The following ZKSCAN2 variants were observed in gnomAD, a reference collection of about 807,000 sequenced individuals.
ZKSCAN2 encodes the protein zinc finger with KRAB and SCAN domains 2, also known as zinc finger protein with KRAB and SCAN domains 2.
In ZKSCAN2, 38 loss-of-function variants were observed where a neutral mutation model predicts 90.5. That is an observed-to-expected ratio of 0.42 (90% CI 0.32 to 0.55). ZKSCAN2 has a LOEUF of 0.55. Ranked by LOEUF, ZKSCAN2 falls within the 20% of genes least tolerant of loss-of-function variation. ZKSCAN2 has a pLI of 0.11. For missense variants in ZKSCAN2, 1,167 were observed against 1,202.6 expected (o/e 0.97, Z 0.44); for synonymous variants, 429 against 421.6 (o/e 1.02, Z -0.22).
chr16:25,241,202 C>G (rs916774768), intron 6 of ZKSCAN2, among the ~76,000 whole-genome samples: 2 of 152,200 alleles, frequency 1.3e-5, no homozygotes, highest in Non-Finnish European at 2.9e-5. Flanking sequence ...TTCAAATGTT[C>G]TTCTCACTTT....
intron 1 of ZKSCAN2, 114 bp downstream of exon 1, chr16:25,256,615 T>G: frequency 8.3e-7 from 1 of 1,204,956 alleles, no homozygotes; most frequent in Non-Finnish European, 1.2e-6. Context: ...GGGTCTTTTA[T>G]TAGTACCATT....
rs1963078149 is a variant in ZKSCAN2 at position 25,255,088 on chromosome 16, T to C, written c.586+118A>G. On this transcript the variant is annotated intron_variant, in intron 2 of 6. Transcript: ENST00000328086. The stretch of plus-strand genomic sequence containing the variant: ...CCTAATTCTTGAAGTGAATGAAACC[T>C]TTCTCCTATTCTGAATATGTATCAA... The C allele has an allele frequency of 4.8e-6, 5 of 1,048,420 alleles. No individual in the cohort carries two copies. In the South Asian group the frequency reaches 7.8e-5, roughly 16 times the overall value. 64.9% of individuals were successfully genotyped at this position (1,048,420 alleles called of 1,614,324 possible).
At position 25,247,121 on chromosome 16, in the gene ZKSCAN2, G is replaced by C; in HGVS notation, c.1075C>G (p.Arg359Gly). 1 of 1,614,176 alleles carries C rather than the reference G, an allele frequency of 6.2e-7. No individual in the cohort carries two copies. Among genetic ancestry groups the C allele is most frequent in the Non-Finnish European group, 8.5e-7 (1 of 1,180,040 alleles). ...KTFLAILKES[R>G]FYETLQACPR... ...CAGGCCTGAAGTGTTTCATAAAAGC[G>C]AGACTCTTTGAGAATTGCCAGGAAA... Residue 359 changes from arginine to glycine, a missense_variant, in exon 5 of 7, where the codon CGC becomes GGC. Physicochemically the swap from Arg to Gly is moderately radical, Grantham distance 125. Transcript: ENST00000328086.
At chr16:25,255,942 G>A (rs1033733847) in intron 1 of ZKSCAN2, among the ~76,000 whole-genome samples, 1 of 152,132 alleles carries the variant, frequency 6.6e-6, no homozygotes, top group East Asian at 1.9e-4. Context: ...GAGCCTCCTT[G>A]TTGCTAGAAT....
At position 25,240,720 on chromosome 16, in the gene ZKSCAN2, C is replaced by A; in HGVS notation, c.2000G>T (p.Ser667Ile). Residue 667 changes from serine to isoleucine, a missense_variant, in exon 7 of 7, where the codon AGC becomes ATC. Ser to Ile is a moderately radical substitution (Grantham distance 142). Transcript: ENST00000328086. ...TATCTGTGTTGGATCCTCCTTGATG[C>A]TACTTCCGATTTCAAAATCTGAAAA... Reference protein sequence around the residue: ...QSPNDFEIGSSIKEDPTQIVY... With the variant: ...QSPNDFEIGSIIKEDPTQIVY... 1 of 1,601,966 alleles carries A rather than the reference C, an allele frequency of 6.2e-7. No individual in the cohort carries two copies. Among genetic ancestry groups the A allele is most frequent in the Admixed American group, 1.7e-5 (1 of 58,800 alleles).
Position 25,240,204 on chromosome 16 carries a change from C to T in ZKSCAN2, c.2516G>A (p.Cys839Tyr). 1 of 1,614,142 alleles carries T rather than the reference C, an allele frequency of 6.2e-7. No homozygotes were observed. Among genetic ancestry groups the T allele is most frequent in the South Asian group, 1.1e-5 (1 of 91,076 alleles). Reference sequence around the variant, plus strand: ...AATAAGACTAGAGCTCTGACTAAAGCATTTTCCACACTCTCCGCATCTGTA... The same window carrying T: ...AATAAGACTAGAGCTCTGACTAAAGTATTTTCCACACTCTCCGCATCTGTA... ...KPYRCGECGKCFSQSSSLIIH... is the reference protein window; with the variant it reads ...KPYRCGECGKYFSQSSSLIIH... Residue 839 changes from cysteine to tyrosine, a missense_variant, in exon 7 of 7, where the codon TGC becomes TAC. Physicochemically the swap from Cys to Tyr is radical, Grantham distance 194. Coordinates refer to ENST00000328086, the MANE Select transcript of ZKSCAN2 (RefSeq NM_001012981.5).
intron 2 of ZKSCAN2, among the ~76,000 whole-genome samples, chr16:25,254,545 C>T (rs149006981): frequency 8.2e-4 from 125 of 152,334 alleles, no homozygotes; most frequent in African/African-American, 2.7e-3. Flanking sequence ...AGCACATACA[C>T]ATGGCAGGAC....
chr16:25,247,415 T>C, intron 4 of ZKSCAN2, 25 bp from the exon 5 acceptor site: 2 of 1,575,440 alleles, frequency 1.3e-6, no homozygotes, highest in South Asian at 1.1e-5. Context: ...ACATATTTCA[T>C]GGTAGACATA....
At position 25,236,697 on chromosome 16, in the gene ZKSCAN2, C is replaced by A. The variant is rs1962772011; in HGVS notation, c.*3119G>T. 1.3e-5 allele frequency: 2 copies of A among 152,126 alleles called. No individual in the cohort carries two copies. Among genetic ancestry groups the A allele is most frequent in the African/African-American group, 4.8e-5 (2 of 41,438 alleles). 9.4% of individuals were successfully genotyped at this position (152,126 alleles called of 1,614,324 possible). On this transcript the variant is annotated 3_prime_UTR_variant, in exon 7 of 7. Coordinates refer to ENST00000328086, the MANE Select transcript of ZKSCAN2 (RefSeq NM_001012981.5). Reference sequence around the variant, plus strand: ...CTGAGCCATTTACGTGTGAGGTTTCCCTTTTTAAAAAACTGTTTCTTTCCA... The same window carrying A: ...CTGAGCCATTTACGTGTGAGGTTTCACTTTTTAAAAAACTGTTTCTTTCCA...
rs1422659692 is a variant in ZKSCAN2, at chr16:25,240,053, A to G, written c.2667T>C (p.Cys889=). 1.9e-6 allele frequency: 3 copies of G among 1,613,978 alleles called. No homozygotes were observed. The Admixed American group carries it at 5.0e-5, about 27-fold the overall frequency. ...RVHTGENPYK[C]VDCEKSFNNC... ...TATTGAAACTTTTTTCACAGTCCAC[A>G]CATTTGTAGGGATTCTCCCCAGTGT... Residue 889 remains cysteine (C), a synonymous_variant, in exon 7 of 7, where the codon TGT becomes TGC. Coordinates refer to ENST00000328086, the MANE Select transcript of ZKSCAN2 (RefSeq NM_001012981.5).
chr16:25,255,042 T>G (rs1963077508), intron 2 of ZKSCAN2, among the ~76,000 whole-genome samples, 164 bp downstream of exon 2: 7 of 152,082 alleles, frequency 4.6e-5, no homozygotes, highest in Admixed American at 2.0e-4. Context: ...ATGATACCTT[T>G]TCACTTATAT....
rs1963040542 is a variant in ZKSCAN2, at chr16:25,252,797, C to T, written c.678+149G>A. 6 of 646,996 alleles carry T rather than the reference C, an allele frequency of 9.3e-6. No individual in the cohort carries two copies. In the South Asian group the frequency reaches 9.9e-5, roughly 11 times the overall value. 40.1% of individuals were successfully genotyped at this position (646,996 alleles called of 1,614,324 possible). A position where few individuals can be genotyped will look rare whatever the true frequency, so the allele number is the denominator to read the frequency against. ...AGGTGTGGTGGCATGCACCTGTGGT[C>T]CCAGCTACTCAGGAGGCTGAGGCAG... On this transcript the variant is annotated intron_variant, in intron 3 of 6. Coordinates refer to ENST00000328086, the MANE Select transcript of ZKSCAN2 (RefSeq NM_001012981.5).
At chr16:25,244,533 T>C (rs1003007095) in intron 5 of ZKSCAN2, among the ~76,000 whole-genome samples, 4 of 152,238 alleles carry the variant, frequency 2.6e-5, no homozygotes, top group African/African-American at 4.8e-5. Context: ...ATTTCTCATA[T>C]GAATCTATAG....
intron 4 of ZKSCAN2, among the ~76,000 whole-genome samples, chr16:25,250,518 A>G (rs1963005403): frequency 6.6e-6 from 1 of 152,210 alleles, no homozygotes. Context: ...TTCAGTTATA[A>G]GATTAAAAAA....
Position 25,253,439 on chromosome 16 carries a change from CCTCT to C in ZKSCAN2, c.587-406_587-403del, listed in dbSNP as rs151086073. On this transcript the variant is annotated intron_variant, in intron 2 of 6. Coordinates refer to ENST00000328086, the MANE Select transcript of ZKSCAN2 (RefSeq NM_001012981.5). Reference sequence around the variant, plus strand: ...CCCCCTCCCTTCCCTTTTCTCCCTTCCTCTCTCTCTCTCTCTCTCTCTCTCTGTC... The same window carrying C: ...CCCCCTCCCTTCCCTTTTCTCCCTTCCTCTCTCTCTCTCTCTCTCTCTGTC... 2.5e-3 allele frequency among the ~76,000 whole-genome samples: 356 copies of C among 144,448 alleles called. 1 individual carries two copies. The highest frequency in any genetic ancestry group is 4.5e-3 in the African/African-American group (177 of 39,032). 94.8% of individuals were successfully genotyped at this position (144,448 alleles called of 152,430 possible). A position where few individuals can be genotyped will look rare whatever the true frequency, so the allele number is the denominator to read the frequency against.
Position 25,239,864 on chromosome 16 carries a change from A to G in ZKSCAN2, c.2856T>C (p.Pro952=), listed in dbSNP as rs529233657. 2 of 1,608,416 alleles carry G rather than the reference A, an allele frequency of 1.2e-6. No individual in the cohort carries two copies. The highest frequency in any genetic ancestry group is 2.7e-5 in the African/African-American group (2 of 74,564). Residue 952 remains proline, a synonymous_variant, in exon 7 of 7, where the codon CCT becomes CCC. Coordinates refer to ENST00000328086, the MANE Select transcript of ZKSCAN2 (RefSeq NM_001012981.5). ...CAGTCTTTCCCTTATGTGGGTTCTC[A>G]GGGCAATACAGAGATGGAGGGTGTG... ...PLPHPPSLYC[P]ENPHKGKTDE...
At position 25,240,147 on chromosome 16, in the gene ZKSCAN2, G is replaced by T; in HGVS notation, c.2573C>A (p.Pro858His). 1 of 1,613,846 alleles carries T rather than the reference G, an allele frequency of 6.2e-7. No individual in the cohort carries two copies. The highest frequency in any genetic ancestry group is 8.5e-7 in the Non-Finnish European group (1 of 1,179,974). Residue 858 changes from proline to histidine, a missense_variant, in exon 7 of 7, where the codon CCC becomes CAC. By Grantham distance (77) the Pro-to-His change is moderately conservative. Coordinates refer to ENST00000328086, the MANE Select transcript of ZKSCAN2 (RefSeq NM_001012981.5). ...TTTCCCACACTCTCCACACTGATAG[G>T]GCTTCTCACCGGTGTGCGTTCTCTG... ...IHQRTHTGEK[P>H]YQCGECGKSF... is the part of the protein sequence containing the mutation.
chr16:25,247,732 T>C (rs1962955259), intron 4 of ZKSCAN2, among the ~76,000 whole-genome samples: 1 of 152,194 alleles, frequency 6.6e-6, no homozygotes, highest in Non-Finnish European at 1.5e-5. Context: ...ACTTGTAAAA[T>C]AAAGTGTATC....
In ZKSCAN2 at chr16:25,243,870, G is replaced by C; in HGVS notation, c.1896C>G (p.Asp632Glu). The change falls in exon 6 of 7, where the codon GAC becomes GAG. Residue 632 changes from aspartate (D) to glutamate (E), a missense_variant. By Grantham distance (45) the Asp-to-Glu change is conservative (BLOSUM62 2). Coordinates refer to ENST00000328086, the MANE Select transcript of ZKSCAN2 (RefSeq NM_001012981.5). The part of the protein sequence containing the change: ...EETSQEAVIE[D>E]SCSERMSEEE... ...CCTCGCTCATTCTCTCACTGCAAGA[G>C]TCTTCTATTACTGCCTCCTGTGAGG... 1 of 1,614,154 alleles carries C rather than the reference G, an allele frequency of 6.2e-7. No homozygotes were observed. The highest frequency in any genetic ancestry group is 2.2e-5 in the East Asian group (1 of 44,882).
Sources: gnomAD v4.1 joint callset for allele counts (sites outside exome capture counted in the v4.1 genomes callset) on GRCh38, gnomAD v4.1.1 for gene constraint, MANE v1.5 for transcripts, NCBI Gene and HGNC (gene_info 2026-07-23, HGNC 2026-07-21) for gene names.